RAPGEF4: variants seen among roughly 807,000 people sequenced by gnomAD.
The protein encoded by RAPGEF4 is RAP guanine-nucleotide-exchange factor (GEF) 4.
In RAPGEF4, 66 loss-of-function variants were observed where a neutral mutation model predicts 147.9. The observed-to-expected ratio is 0.45, with a 90% confidence interval of 0.37 to 0.55. The LOEUF is 0.55. Ranked by LOEUF, RAPGEF4 falls within the 20% of genes least tolerant of loss-of-function variation. RAPGEF4 has a pLI of 0.00. For missense variants in RAPGEF4, 1,071 were observed against 1,257.3 expected, an observed-to-expected ratio of 0.85 and a Z score of 2.24; for synonymous variants, 419 against 442.7, an observed-to-expected ratio of 0.95 and a Z score of 0.67.
At chr2:172,839,712 A>G (rs1227965548) in intron 4 of RAPGEF4, among the ~76,000 whole-genome samples, 1 of 152,124 alleles carries the variant, frequency 6.6e-6, no homozygotes, top group Non-Finnish European at 1.5e-5. Context: ...CCTATTTAAG[A>G]TGGAGTTGTT....
rs190920577 is a variant in RAPGEF4 at position 172,766,681 on chromosome 2, C to T, written c.66-28344C>T. Among the ~76,000 whole-genome samples, 99 of 152,322 alleles carry T rather than the reference C, an allele frequency of 6.5e-4. 1 individual carries two copies. The highest frequency in any genetic ancestry group is 6.1e-3 in the Admixed American group (94 of 15,306). The stretch of plus-strand genomic sequence containing the variant: ...TATGTTCCCTGCCTCCAGCCCCTCC[C>T]GTCGCCTTTCTTCATCAACACCAAC... On this transcript the variant is annotated intron_variant, in intron 1 of 30. Transcript: ENST00000397081.
At position 173,006,140 on chromosome 2, in the gene RAPGEF4, T is replaced by G. The variant is rs142854976; in HGVS notation, c.1658+4796T>G. ...GAGAAAAAAACAGGAAGCCTATAAC[T>G]CCAATTGCCAGCAGCAGCTATCTTA... On this transcript the variant is annotated intron_variant, in intron 17 of 30. Coordinates refer to ENST00000397081, the MANE Select transcript of RAPGEF4 (RefSeq NM_007023.4). Among the ~76,000 whole-genome samples the G allele has an allele frequency of 5.8e-3, 889 of 152,150 alleles. 11 individuals carry two copies. The highest frequency in any genetic ancestry group is 0.02 in the African/African-American group (832 of 41,494).
intron 4 of RAPGEF4, among the ~76,000 whole-genome samples, chr2:172,847,809 A>C (rs1325391264): frequency 6.6e-6 from 1 of 152,154 alleles, no homozygotes; most frequent in Non-Finnish European, 1.5e-5. Context: ...TGAAGGTGTA[A>C]TCTACTTTAA....
chr2:172,941,529 C>T (rs772793925), intron 6 of RAPGEF4, among the ~76,000 whole-genome samples: 6 of 152,188 alleles, frequency 3.9e-5, no homozygotes, highest in South Asian at 2.1e-4. Context: ...CTTATTGCCA[C>T]GTCTGACAAA....
At chr2:172,786,114 A>G (rs1209618441) in intron 1 of RAPGEF4, among the ~76,000 whole-genome samples, 1 of 152,198 alleles carries the variant, frequency 6.6e-6, no homozygotes, top group Non-Finnish European at 1.5e-5. Context: ...ATTAGTTCCT[A>G]GATAATCCAG....
At chr2:172,785,416 G>T (rs1260936671) in intron 1 of RAPGEF4, among the ~76,000 whole-genome samples, 1 of 152,054 alleles carries the variant, frequency 6.6e-6, no homozygotes, top group Non-Finnish European at 1.5e-5. Flanking sequence ...TGATGATGAC[G>T]ACGGTGGTAC....
intron 8 of RAPGEF4, among the ~76,000 whole-genome samples, chr2:172,963,052 C>T (rs1689460637): frequency 6.6e-6 from 1 of 152,106 alleles, no homozygotes; most frequent in Non-Finnish European, 1.5e-5. Flanking sequence ...GGGAAGCAGG[C>T]ACATCATACC....
At chr2:172,968,362 A>C (rs980791170) in intron 10 of RAPGEF4, among the ~76,000 whole-genome samples, 1 of 152,182 alleles carries the variant, frequency 6.6e-6, no homozygotes, top group Non-Finnish European at 1.5e-5. Context: ...TACATGTTAC[A>C]TGTCCTGGAT....
At chr2:172,974,587 G>A (rs1449913809) in intron 10 of RAPGEF4, among the ~76,000 whole-genome samples, 1 of 152,190 alleles carries the variant, frequency 6.6e-6, no homozygotes, top group East Asian at 1.9e-4. Flanking sequence ...GGAGGCTGAG[G>A]TGGGAGAATC....
chr2:172,965,646 G>A lies in RAPGEF4; in HGVS notation c.783G>A (p.Met261Ile), dbSNP rs370988008. 1.7e-5 allele frequency: 28 copies of A among 1,614,076 alleles called. No homozygotes were observed. The highest frequency in any genetic ancestry group is 1.9e-5 in the Non-Finnish European group (22 of 1,180,038). The change falls in exon 9 of 31, where the codon ATG becomes ATA. Residue 261 changes from methionine to isoleucine, a missense_variant. Transcript: ENST00000397081. ...ACTCCCGGACTCAAGCTGTTGGCAT[G>A]TGGCAAGTCCTGTTAGAAGATGGTG... ...CVHSRTQAVG[M>I]WQVLLEDGVL...
chr2:172,737,971 C>T (rs1559014404), intron 1 of RAPGEF4, among the ~76,000 whole-genome samples: 1 of 152,196 alleles, frequency 6.6e-6, no homozygotes, highest in Non-Finnish European at 1.5e-5. Flanking sequence ...ATTAAAAGAA[C>T]TTTGCATGTT....
intron 16 of RAPGEF4, among the ~76,000 whole-genome samples, chr2:173,000,833 C>T (rs768764875): frequency 1.1e-4 from 17 of 150,752 alleles, no homozygotes; most frequent in Admixed American, 4.6e-4. Context: ...TTCTATTGTC[C>T]TCCTACCTTT....
chr2:172,859,806 T>C (rs574387511), intron 4 of RAPGEF4, among the ~76,000 whole-genome samples: 1 of 152,328 alleles, frequency 6.6e-6, no homozygotes, highest in South Asian at 2.1e-4. Flanking sequence ...TAGTATTTCC[T>C]GAGGCCATCT....
chr2:172,978,760 C>T (rs1461889151), intron 10 of RAPGEF4, among the ~76,000 whole-genome samples: 4 of 152,220 alleles, frequency 2.6e-5, no homozygotes, highest in Admixed American at 2.0e-4. Context: ...ATTCTTTTCT[C>T]GTCTGCTCTC....
At chr2:172,944,643 C>A (rs986092804) in intron 6 of RAPGEF4, among the ~76,000 whole-genome samples, 2 of 152,124 alleles carry the variant, frequency 1.3e-5, no homozygotes, top group Admixed American at 6.5e-5. Context: ...GAGTGATTAA[C>A]CCCAGTCTGA....
At chr2:172,967,112 G>A in intron 9 of RAPGEF4, 149 bp from the exon 10 acceptor site, 2 of 718,718 alleles carry the variant, frequency 2.8e-6, no homozygotes, top group Admixed American at 2.8e-5. Context: ...CAGCTGCACA[G>A]TCTGGGCAGG....
chr2:172,942,500 T>C (rs1687262514), intron 6 of RAPGEF4, among the ~76,000 whole-genome samples: 1 of 148,516 alleles, frequency 6.7e-6, no homozygotes, highest in African/African-American at 2.5e-5. Context: ...ATATGCCAGG[T>C]GCCTCAACAC....
chr2:172,983,871 C>T (rs1309055903), intron 11 of RAPGEF4, among the ~76,000 whole-genome samples: 8 of 152,132 alleles, frequency 5.3e-5, no homozygotes, highest in Non-Finnish European at 1.5e-5. Flanking sequence ...AATTTTGGAA[C>T]CTGCACACTC....
rs369897313 is a variant in RAPGEF4, at chr2:172,947,994, A to C, written c.538-12766A>C. On this transcript the variant is annotated intron_variant, in intron 6 of 30. Transcript: ENST00000397081. ...CCACTATCCTGCCTTCCAAGGGTAT[A>C]GTAATCTGTTTTTATGCTTTATATC... Among the ~76,000 whole-genome samples, 17 of 152,282 alleles carry C rather than the reference A, an allele frequency of 1.1e-4. 1 individual carries two copies. The highest frequency in any genetic ancestry group is 4.1e-4 in the African/African-American group (17 of 41,556).
Sources: allele counts gnomAD v4.1 joint callset (sites outside exome capture counted in the v4.1 genomes callset), GRCh38; gene constraint gnomAD v4.1.1; transcripts MANE v1.5; gene names NCBI Gene and HGNC (gene_info 2026-07-23, HGNC 2026-07-21).